Variants in RAD51B observed in about 807,000 individuals in gnomAD.
RAD51B encodes the protein DNA repair protein RAD51 homolog 2.
RAD51B carries 38 observed loss-of-function variants against 42.2 expected under a neutral mutation model. That is an observed-to-expected ratio of 0.90 (90% CI 0.70 to 1.18). The LOEUF is 1.18. Among genes scored for constraint, RAD51B ranks in the 50% most tolerant of loss-of-function variants. The pLI, the probability that RAD51B is intolerant of heterozygous loss-of-function variation, is 0.00. For missense variants in RAD51B, 373 were observed against 400.7 expected, an observed-to-expected ratio of 0.93 and a Z score of 0.59; for synonymous variants, 154 against 145.2, an observed-to-expected ratio of 1.06 and a Z score of -0.43.
chr14:68,355,152 G>T (rs964316184), intron 8 of RAD51B, among the ~76,000 whole-genome samples: 2 of 152,122 alleles, frequency 1.3e-5, no homozygotes, highest in African/African-American at 4.8e-5. Context: ...TTGCTTTGGT[G>T]GGACTAGTAC....
At chr14:67,928,840 A>G (rs935340671) in intron 7 of RAD51B, among the ~76,000 whole-genome samples, 1 of 151,412 alleles carries the variant, frequency 6.6e-6, no homozygotes, top group Non-Finnish European at 1.5e-5. Context: ...AATAACTCCT[A>G]TATTAATGTG....
At chr14:68,480,373 C>T (rs1304014483), downstream of RAD51B, among the ~76,000 whole-genome samples, 2 of 152,182 alleles carry the variant, frequency 1.3e-5, no homozygotes, top group Non-Finnish European at 2.9e-5. Flanking sequence ...CCGGCCTTCT[C>T]TTGTAAATCT....
In RAD51B at chr14:68,648,146, T is replaced by C. The variant is rs61987116; in HGVS notation, c.1037-2635T>C. Reference sequence around the variant, plus strand: ...ATATACACACACGTATATATATATATACACACACGTATATATATATATACA... The same window carrying C: ...ATATACACACACGTATATATATATACACACACACGTATATATATATATACA... On this transcript the variant is annotated intron_variant, in intron 10 of 11. Coordinates refer to the RAD51B transcript ENST00000488612. 1.5e-3 allele frequency among the ~76,000 whole-genome samples: 111 copies of C among 74,238 alleles called. 2 individuals are homozygous for C. The highest frequency in any genetic ancestry group is 2.2e-3 in the Non-Finnish European group (78 of 34,988). The allele number at this position is 74,238 out of a possible 152,430, so 48.7% of individuals were successfully genotyped here.
intron 7 of RAD51B, among the ~76,000 whole-genome samples, chr14:67,992,724 G>T (rs957324023): frequency 6.6e-6 from 1 of 151,696 alleles, no homozygotes; most frequent in Admixed American, 6.6e-5. Context: ...GAAGTTAAAA[G>T]GACTTAACAT....
chr14:68,209,643 G>C (rs991469256), intron 7 of RAD51B, among the ~76,000 whole-genome samples: 1 of 152,094 alleles, frequency 6.6e-6, no homozygotes, highest in African/African-American at 2.4e-5. Flanking sequence ...TCTACTTTTG[G>C]GAAGATGATT....
chr14:67,888,999 A>ACTT (rs752078781), intron 7 of RAD51B, among the ~76,000 whole-genome samples: 7 of 152,134 alleles, frequency 4.6e-5, no homozygotes, highest in Non-Finnish European at 1.0e-4. Flanking sequence ...ACTGTAGGCT[A>ACTT]ATGCTTTTCA....
chr14:68,639,047 C>A (rs1002383459), intron 10 of RAD51B, among the ~76,000 whole-genome samples: 10 of 151,822 alleles, frequency 6.6e-5, no homozygotes, highest in African/African-American at 1.7e-4. Flanking sequence ...AGCAACCCCA[C>A]GTAGACTGAA....
chr14:68,598,584 C>T (rs1388737604), downstream of RAD51B, among the ~76,000 whole-genome samples: 4 of 152,168 alleles, frequency 2.6e-5, no homozygotes, highest in Admixed American at 2.6e-4. Flanking sequence ...TAAATCCCAC[C>T]GGGACTGTGT....
chr14:68,092,779 G>C (rs1420838900), intron 7 of RAD51B, among the ~76,000 whole-genome samples: 10 of 152,096 alleles, frequency 6.6e-5, no homozygotes, highest in Non-Finnish European at 1.2e-4. Flanking sequence ...TCTTGTGCCA[G>C]TTTTCAAAGG....
intron 7 of RAD51B, among the ~76,000 whole-genome samples, chr14:68,220,697 C>T (rs781064434): frequency 7.2e-5 from 11 of 152,102 alleles, no homozygotes; most frequent in Admixed American, 1.3e-4. Flanking sequence ...TGATGGTATA[C>T]CTAGAAAACC....
At chr14:68,555,010 G>A (rs926094369) in intron 10 of RAD51B, among the ~76,000 whole-genome samples, 3 of 151,952 alleles carry the variant, frequency 2.0e-5, no homozygotes, top group Admixed American at 6.6e-5. Context: ...CACCACACCC[G>A]ACTATTTTTA....
At chr14:67,865,720 A>G (rs928386836) in intron 5 of RAD51B, among the ~76,000 whole-genome samples, 2 of 150,386 alleles carry the variant, frequency 1.3e-5, no homozygotes, top group South Asian at 2.1e-4. Context: ...TTGTATTTTT[A>G]GTAGAGACAG....
chr14:68,595,591 A>G (rs1890959870), exon 11 of RAD51B: 1 of 1,066,470 alleles, frequency 9.4e-7, no homozygotes. Context: ...TGACCAGAAC[A>G]AGGGAGCAGC....
chr14:68,367,457 C>T (rs979773543), intron 8 of RAD51B, among the ~76,000 whole-genome samples: 126 of 152,092 alleles, frequency 8.3e-4, no homozygotes, highest in African/African-American at 3.0e-3. Context: ...AGTATTTATT[C>T]AATGCCTACT....
At chr14:68,672,031 GC>G (rs1485731279) in intron 11 of RAD51B, among the ~76,000 whole-genome samples, 1 of 152,160 alleles carries the variant, frequency 6.6e-6, no homozygotes. Flanking sequence ...TAAACGCAAA[GC>G]CAGAGAAGCT....
At chr14:68,116,938 A>G (rs1402828311) in intron 7 of RAD51B, among the ~76,000 whole-genome samples, 1 of 152,230 alleles carries the variant, frequency 6.6e-6, no homozygotes, top group African/African-American at 2.4e-5. Flanking sequence ...TTTATGTAAC[A>G]CTTCATGTTT....
At chr14:68,502,245 G>T (rs1264253494) in intron 10 of RAD51B, among the ~76,000 whole-genome samples, 2 of 152,242 alleles carry the variant, frequency 1.3e-5, no homozygotes. Context: ...CTGAAGGAGG[G>T]AGAGCCTTTG....
intron 7 of RAD51B, among the ~76,000 whole-genome samples, chr14:67,889,898 T>C (rs1334222680): frequency 6.6e-6 from 1 of 152,148 alleles, no homozygotes; most frequent in Non-Finnish European, 1.5e-5. Context: ...CAGACTGCAG[T>C]TTTGAGAAAC....
downstream of RAD51B, among the ~76,000 whole-genome samples, chr14:68,598,494 A>G (rs1220348521): frequency 6.6e-6 from 1 of 152,244 alleles, no homozygotes; most frequent in African/African-American, 2.4e-5. Context: ...AAAAGAAACT[A>G]AAGTGTAGAG....
Sources: allele counts gnomAD v4.1 joint callset (sites outside exome capture counted in the v4.1 genomes callset), GRCh38; gene constraint gnomAD v4.1.1; transcripts MANE v1.5; gene names NCBI Gene and HGNC (gene_info 2026-07-23, HGNC 2026-07-21).